Variants in TAGLN3 observed in about 807,000 individuals in gnomAD.
TAGLN3 encodes transgelin-3.
In TAGLN3, 12 loss-of-function variants were observed where a neutral mutation model predicts 25.4. That is an observed-to-expected ratio of 0.47 (90% CI 0.30 to 0.77). The LOEUF is 0.77. Among genes scored for constraint, TAGLN3 ranks in the 30% least tolerant of loss-of-function variants. The probability of loss-of-function intolerance (pLI) is 0.06; values close to 1 mark genes in which losing one functional copy is unlikely to be tolerated. For missense variants in TAGLN3, 218 were observed against 255.8 expected (o/e 0.85, Z 1.01); for synonymous variants, 96 against 94.8 (o/e 1.01, Z -0.08).
Position 111,999,496 on chromosome 3 carries a change from A to T in TAGLN3, c.74A>T (p.Asp25Val). ...QEKIEQKYDADLENKLVDWII... is the reference protein window; with the variant it reads ...QEKIEQKYDAVLENKLVDWII... The stretch of plus-strand genomic sequence containing the variant: ...AAGATCGAGCAGAAGTATGATGCGG[A>T]CCTGGAGAACAAGCTGGTGGACTGG... The change falls in exon 2 of 5, where the codon GAC becomes GTC. Residue 25 changes from aspartate to valine, a missense_variant. Asp to Val is a radical substitution (Grantham distance 152). Transcript: ENST00000478951. 6.2e-7 allele frequency: 1 copy of T among 1,614,206 alleles called. No homozygotes were observed. The highest frequency in any genetic ancestry group is 8.5e-7 in the Non-Finnish European group (1 of 1,180,022).
chr3:112,002,870 G>A lies in TAGLN3; in HGVS notation c.355+1924G>A, dbSNP rs116834202. Among the ~76,000 whole-genome samples the A allele has an allele frequency of 2.1e-3, 311 of 151,032 alleles. 1 individual carries two copies. The highest frequency in any genetic ancestry group is 6.6e-3 in the African/African-American group (270 of 41,058). The stretch of plus-strand genomic sequence containing the variant: ...GAAATAGTCCCTGATGTACAGAGTC[G>A]GAGGAGGTATACACCACCTGCCCCA... On this transcript the variant is annotated intron_variant, in intron 3 of 4. Transcript: ENST00000478951.
intron 3 of TAGLN3, among the ~76,000 whole-genome samples, chr3:112,007,058 G>T (rs547475712): frequency 6.6e-6 from 1 of 152,248 alleles, no homozygotes; most frequent in Admixed American, 6.5e-5. Context: ...GACAGAGAAA[G>T]CTACCATACC....
At chr3:111,999,672 C>G (rs2072833587) in intron 2 of TAGLN3, 70 bp downstream of exon 2, 2 of 1,549,724 alleles carry the variant, frequency 1.3e-6, no homozygotes, top group African/African-American at 1.4e-5. Flanking sequence ...TTTCTTTTAA[C>G]GTAAGGCTGC....
chr3:112,001,247 C>T (rs1455066257), intron 3 of TAGLN3, among the ~76,000 whole-genome samples: 2 of 152,194 alleles, frequency 1.3e-5, no homozygotes, highest in African/African-American at 2.4e-5. Flanking sequence ...TCTTACCACT[C>T]CCATAACAAA....
chr3:112,007,549 T>C (rs1161638873), intron 3 of TAGLN3, among the ~76,000 whole-genome samples: 1 of 152,232 alleles, frequency 6.6e-6, no homozygotes, highest in Non-Finnish European at 1.5e-5. Flanking sequence ...CTATCTCATT[T>C]TTGCTATCCC....
intron 4 of TAGLN3, among the ~76,000 whole-genome samples, chr3:112,012,838 A>G (rs2072994001): frequency 6.6e-6 from 1 of 152,142 alleles, no homozygotes; most frequent in African/African-American, 2.4e-5. Context: ...ATTAACTCTT[A>G]GGTCCCTTGG....
intron 1 of TAGLN3, 54 bp from the exon 2 acceptor site, chr3:111,999,367 G>T: frequency 6.3e-7 from 1 of 1,584,994 alleles, no homozygotes; most frequent in African/African-American, 1.3e-5. Flanking sequence ...GGGAGCCGGA[G>T]GCTGCTGCTG....
chr3:112,004,832 C>T (rs1208843258), intron 3 of TAGLN3, among the ~76,000 whole-genome samples: 4 of 151,548 alleles, frequency 2.6e-5, no homozygotes, highest in Non-Finnish European at 5.9e-5. Flanking sequence ...GACTTAGTGG[C>T]CACATACAGG....
At chr3:112,011,476 CAT>C (rs2072976608) in intron 3 of TAGLN3, among the ~76,000 whole-genome samples, 6 of 152,230 alleles carry the variant, frequency 3.9e-5, no homozygotes, top group African/African-American at 1.4e-4. Flanking sequence ...ATTTGATGCA[CAT>C]GGATGATTTT....
chr3:112,004,000 G>A (rs2072890506), intron 3 of TAGLN3, among the ~76,000 whole-genome samples: 1 of 152,196 alleles, frequency 6.6e-6, no homozygotes, highest in Non-Finnish European at 1.5e-5. Flanking sequence ...ATAGACTGCA[G>A]GGTAATTGGA....
intron 3 of TAGLN3, among the ~76,000 whole-genome samples, chr3:112,004,957 T>A (rs2072901446): frequency 1.3e-5 from 2 of 152,148 alleles, no homozygotes; most frequent in Admixed American, 6.5e-5. Context: ...GCTTTAGGCA[T>A]CACTTTATTG....
chr3:112,013,799 A>ATTATTTAT lies in TAGLN3; in HGVS notation c.*267_*274dup, dbSNP rs112929808. The ATTATTTAT allele has an allele frequency of 8.0e-3, 4,074 of 511,070 alleles. 169 individuals carry two copies. Among genetic ancestry groups the ATTATTTAT allele is most frequent in the African/African-American group, 0.074 (3,766 of 50,696 alleles). The allele number at this position is 511,070 out of a possible 1,614,324, so 31.7% of individuals were successfully genotyped here. A position where few individuals can be genotyped will look rare whatever the true frequency, so the allele number is the denominator to read the frequency against. ...CCTCGGGCCCCAGAGTCTCTGTTTG[A>ATTATTTAT]TTATTTATTTATTTATTTATTTATT... On this transcript the variant is annotated 3_prime_UTR_variant, in exon 5 of 5. Coordinates refer to ENST00000478951, the MANE Select transcript of TAGLN3 (RefSeq NM_001008272.2).
chr3:112,002,661 A>T (rs2072874125), intron 3 of TAGLN3, among the ~76,000 whole-genome samples: 1 of 147,452 alleles, frequency 6.8e-6, no homozygotes. Context: ...CCACCCCACA[A>T]AGTGCAGGAA....
At chr3:112,011,951 T>C (rs913533019) in intron 4 of TAGLN3, 86 bp downstream of exon 4, 271 of 1,259,512 alleles carry the variant, frequency 2.2e-4, no homozygotes, top group Non-Finnish European at 2.9e-4. Flanking sequence ...ACAGAGGCTT[T>C]ATGTGCAAAG....
chr3:112,003,726 T>C (rs2072887715), intron 3 of TAGLN3, among the ~76,000 whole-genome samples: 2 of 152,158 alleles, frequency 1.3e-5, no homozygotes, highest in Non-Finnish European at 2.9e-5. Context: ...CCTCCTTGCC[T>C]AGGAGCTTCT....
rs757284665 is a variant in TAGLN3, at chr3:112,013,703, G to T, written c.*152G>T. On this transcript the variant is annotated 3_prime_UTR_variant, in exon 5 of 5. Coordinates refer to ENST00000478951, the MANE Select transcript of TAGLN3 (RefSeq NM_001008272.2). The stretch of plus-strand genomic sequence containing the variant: ...AGTGCTGCATTTCCGCCGAGAATCC[G>T]CGTTGCCTACTGCTGCCACCTCCTG... 1 of 1,196,340 alleles carries T rather than the reference G, an allele frequency of 8.4e-7. No homozygotes were observed. The highest frequency in any genetic ancestry group is 1.3e-5 in the South Asian group (1 of 76,344). 74.1% of individuals were successfully genotyped at this position (1,196,340 alleles called of 1,614,324 possible).
intron 3 of TAGLN3, among the ~76,000 whole-genome samples, chr3:112,002,455 C>A (rs189085922): frequency 2.5e-4 from 38 of 152,332 alleles, no homozygotes; most frequent in Non-Finnish European, 4.3e-4. Context: ...AGTCTGCCAA[C>A]CCATTCTTGA....
At chr3:112,013,055 C>G (rs9818025) in intron 4 of TAGLN3, among the ~76,000 whole-genome samples, 26,085 of 152,074 alleles carry the variant, frequency 0.17, 2,864 homozygotes, top group Non-Finnish European at 0.24. Context: ...GAAAGAGAAA[C>G]AAGAAAAGCT....
rs79085682 is a variant in TAGLN3 at position 112,006,568 on chromosome 3, A to C, written c.356-5195A>C. On this transcript the variant is annotated intron_variant, in intron 3 of 4. Transcript: ENST00000478951. Reference sequence around the variant, plus strand: ...AAAGATGGAAAAATCCAGTATTCTAAGAGTTACAAGGCTGAGTCAAGACTG... The same window carrying C: ...AAAGATGGAAAAATCCAGTATTCTACGAGTTACAAGGCTGAGTCAAGACTG... Among the ~76,000 whole-genome samples the C allele has an allele frequency of 3.5e-3, 530 of 152,332 alleles. 2 individuals are homozygous for C. Among genetic ancestry groups the C allele is most frequent in the African/African-American group, 0.012 (508 of 41,566 alleles).
Sources: allele counts gnomAD v4.1 joint callset (sites outside exome capture counted in the v4.1 genomes callset), GRCh38; gene constraint gnomAD v4.1.1; transcripts MANE v1.5; gene names NCBI Gene and HGNC (gene_info 2026-07-23, HGNC 2026-07-21).